NEDD9: variants seen among roughly 807,000 people sequenced by gnomAD.
NEDD9 encodes neural precursor cell expressed, developmentally down-regulated 9, also known as enhancer of filamentation 1.
A neutral mutation model predicts 76.6 loss-of-function variants in NEDD9; 26 were observed. That is an observed-to-expected ratio of 0.34 (90% CI 0.25 to 0.47). The LOEUF is 0.47. Ranked by LOEUF, NEDD9 falls within the 20% of genes least tolerant of loss-of-function variation. The pLI is 1.00. For synonymous variants in NEDD9, 392 were observed against 414.2 expected (o/e 0.95, Z 0.65); for missense variants, 937 against 1,058.5 (o/e 0.89, Z 1.59).
At chr6:11,192,812 A>G (rs1257863121) in intron 3 of NEDD9, among the ~76,000 whole-genome samples, 1 of 151,324 alleles carries the variant, frequency 6.6e-6, no homozygotes, top group Non-Finnish European at 1.5e-5. Context: ...GCACACCTGT[A>G]GTCCCAGCTA....
intron 3 of NEDD9, among the ~76,000 whole-genome samples, chr6:11,298,883 G>A (rs756635263): frequency 6.6e-6 from 1 of 152,124 alleles, no homozygotes; most frequent in Admixed American, 6.5e-5. Context: ...CAAGATGGAC[G>A]AATAGGAACA....
chr6:11,354,839 T>C (rs1406795518), intron 1 of NEDD9, among the ~76,000 whole-genome samples: 1 of 152,042 alleles, frequency 6.6e-6, no homozygotes, highest in Non-Finnish European at 1.5e-5. Flanking sequence ...CCTAGGGACT[T>C]TTACAAAAGC....
intron 3 of NEDD9, chr6:11,305,907 T>A (rs1263153503): frequency 1.4e-6 from 2 of 1,468,072 alleles, no homozygotes; most frequent in African/African-American, 1.4e-5. Flanking sequence ...AAACATGATT[T>A]GTATTATTAT....
intron 1 of NEDD9, among the ~76,000 whole-genome samples, chr6:11,357,745 CACAA>C (rs1561846567): frequency 6.6e-6 from 1 of 152,074 alleles, no homozygotes; most frequent in East Asian, 1.9e-4. Context: ...AAGATGTGTG[CACAA>C]ACAGGCAGGA....
At position 11,213,327 on chromosome 6, in the gene NEDD9, A is replaced by G; in HGVS notation, c.413T>C (p.Val138Ala). 1 of 1,614,110 alleles carries G rather than the reference A, an allele frequency of 6.2e-7. No homozygotes were observed. Among genetic ancestry groups the G allele is most frequent in the Non-Finnish European group, 8.5e-7 (1 of 1,180,006 alleles). The change falls in exon 2 of 7, where the codon GTG (valine) becomes GCG (alanine). Residue 138 changes from valine to alanine, a missense_variant. Transcript: ENST00000379446. This position sits in a 1 kb window ranked among gnomAD's most constrained non-coding sequence, Gnocchi z 5.4. Reference protein sequence around the residue: ...EQEVYQVPPSVQRSIGGTSGP... With the variant: ...EQEVYQVPPSAQRSIGGTSGP... Reference sequence around the variant, plus strand: ...ACTGGTTCCCCCAATGCTTCTCTGCACTGATGGTGGCACCTGATATACCTC... The same window carrying G: ...ACTGGTTCCCCCAATGCTTCTCTGCGCTGATGGTGGCACCTGATATACCTC...
At chr6:11,296,558 A>T (rs1194314221) in intron 3 of NEDD9, among the ~76,000 whole-genome samples, 1 of 152,178 alleles carries the variant, frequency 6.6e-6, no homozygotes, top group Non-Finnish European at 1.5e-5. Flanking sequence ...GTGGATAAGT[A>T]CCTTGGAACT....
chr6:11,193,438 A>T (rs1758211375), intron 3 of NEDD9, among the ~76,000 whole-genome samples, 153 bp downstream of exon 3: 1 of 152,220 alleles, frequency 6.6e-6, no homozygotes, highest in Admixed American at 6.5e-5. Context: ...TTTAAATAGC[A>T]TTGGCTAAAG....
chr6:11,363,189 C>T (rs1762707325), intron 1 of NEDD9, among the ~76,000 whole-genome samples: 1 of 152,218 alleles, frequency 6.6e-6, no homozygotes, highest in South Asian at 2.1e-4. Flanking sequence ...ATTGGACACT[C>T]TGCTGCCCTG....
intron 3 of NEDD9, among the ~76,000 whole-genome samples, chr6:11,295,470 A>T (rs1422622243): frequency 6.6e-6 from 1 of 152,032 alleles, no homozygotes; most frequent in Non-Finnish European, 1.5e-5. Context: ...ATGACCTGAC[A>T]CCCCACTTCA....
chr6:11,206,108 A>G (rs989344799), intron 2 of NEDD9, among the ~76,000 whole-genome samples: 1 of 152,170 alleles, frequency 6.6e-6, no homozygotes, highest in Non-Finnish European at 1.5e-5. Flanking sequence ...GTAGTCAAGC[A>G]AGTCTTTTTT....
At chr6:11,316,799 C>G (rs1030068299) in intron 2 of NEDD9, among the ~76,000 whole-genome samples, 4 of 152,148 alleles carry the variant, frequency 2.6e-5, no homozygotes, top group African/African-American at 9.7e-5. Flanking sequence ...ACCGAAAGAG[C>G]ATAGTAACTG....
intron 3 of NEDD9, among the ~76,000 whole-genome samples, chr6:11,263,652 T>G (rs987850068): frequency 6.6e-6 from 1 of 152,186 alleles, no homozygotes; most frequent in Non-Finnish European, 1.5e-5. Context: ...TTTGACATCA[T>G]GAGGTCATTG....
intron 1 of NEDD9, among the ~76,000 whole-genome samples, chr6:11,372,444 G>A (rs1007564377): frequency 2.6e-5 from 4 of 152,146 alleles, no homozygotes; most frequent in Non-Finnish European, 5.9e-5. Context: ...CACTTGTGAA[G>A]AGTGCTGCAA....
Position 11,190,495 on chromosome 6 carries a change from G to A in NEDD9, c.1374C>T (p.Phe458=). 1 of 1,614,168 alleles carries A rather than the reference G, an allele frequency of 6.2e-7. No individual in the cohort carries two copies. The highest frequency in any genetic ancestry group is 8.5e-7 in the Non-Finnish European group (1 of 1,180,038). Residue 458 remains phenylalanine (F), a synonymous_variant, in exon 5 of 7, where the codon TTC becomes TTT. Coordinates refer to ENST00000379446, the MANE Select transcript of NEDD9 (RefSeq NM_006403.4). The surrounding 1 kb of genome is among the most constrained non-coding windows in gnomAD (Gnocchi z 5.8). ...TGACAAAGTGGAGGTACTCCTTCAG[G>A]AACAGCTCCACCTTGTCCACTGCTG... ...IRTAVDKVEL[F]LKEYLHFVKG... is the part of the protein sequence containing the mutation.
chr6:11,297,008 C>T (rs180789559), intron 3 of NEDD9, among the ~76,000 whole-genome samples: 9 of 152,286 alleles, frequency 5.9e-5, no homozygotes, highest in Admixed American at 2.0e-4. Context: ...GTATTATAGG[C>T]GTGAGCCACC....
intron 1 of NEDD9, among the ~76,000 whole-genome samples, chr6:11,227,133 A>C (rs1265017963): frequency 1.3e-5 from 2 of 152,260 alleles, no homozygotes; most frequent in Non-Finnish European, 2.9e-5. Context: ...TCAAGTCATT[A>C]GTATATTAGC....
chr6:11,369,862 G>T (rs1219225148), intron 1 of NEDD9, among the ~76,000 whole-genome samples: 1 of 152,160 alleles, frequency 6.6e-6, no homozygotes, highest in Non-Finnish European at 1.5e-5. Context: ...GGACCCTACT[G>T]ATGGACTTTT....
At chr6:11,304,892 A>C (rs1761139738) in intron 3 of NEDD9, among the ~76,000 whole-genome samples, 1 of 152,222 alleles carries the variant, frequency 6.6e-6, no homozygotes. Context: ...CCCACATGGC[A>C]CATGTATACC....
At chr6:11,255,919 G>C (rs1759995316) in intron 3 of NEDD9, among the ~76,000 whole-genome samples, 1 of 152,050 alleles carries the variant, frequency 6.6e-6, no homozygotes. Flanking sequence ...AAGTTGAAGG[G>C]ACGCTGTATT....
Sources: allele counts gnomAD v4.1 joint callset (sites outside exome capture counted in the v4.1 genomes callset), GRCh38; gene constraint gnomAD v4.1.1; non-coding constraint Gnocchi (gnomAD v3.1); transcripts MANE v1.5; gene names NCBI Gene and HGNC (gene_info 2026-07-23, HGNC 2026-07-21).